Variants in ADGRL3 observed in about 807,000 individuals in gnomAD.
ADGRL3 encodes the protein adhesion G protein-coupled receptor L3.
A neutral mutation model predicts 153.5 loss-of-function variants in ADGRL3; 62 were observed. That is an observed-to-expected ratio of 0.40 (90% CI 0.33 to 0.50). The LOEUF (loss-of-function observed/expected upper bound fraction) is 0.50, where lower values mean the gene tolerates loss of function less well. ADGRL3 is among the 20% of genes least tolerant of loss of function. The pLI, the probability that ADGRL3 is intolerant of heterozygous loss-of-function variation, is 0.47. For synonymous variants in ADGRL3, 710 were observed against 672.5 expected (o/e 1.06, Z -0.86); for missense variants, 1,641 against 1,859.4 (o/e 0.88, Z 2.16).
intron 4 of ADGRL3, among the ~76,000 whole-genome samples, chr4:61,522,729 A>G (rs1239725688): frequency 6.6e-6 from 1 of 152,152 alleles, no homozygotes; most frequent in African/African-American, 2.4e-5. Context: ...CCTGTAAGCC[A>G]GAAGGCCTAC....
intron 25 of ADGRL3, 45 bp downstream of exon 25, chr4:62,044,594 T>C (rs1460507790): frequency 7.8e-7 from 1 of 1,284,884 alleles, no homozygotes; most frequent in Non-Finnish European, 1.1e-6. Flanking sequence ...TCTGATTACT[T>C]TAAGAAGTCC....
chr4:61,467,403 A>G (rs1245702866), intron 2 of ADGRL3, among the ~76,000 whole-genome samples: 2 of 152,074 alleles, frequency 1.3e-5, no homozygotes, highest in Admixed American at 6.6e-5. Flanking sequence ...AGGGTCTGAT[A>G]CTCTAGAAAT....
intron 1 of ADGRL3, among the ~76,000 whole-genome samples, chr4:61,236,008 C>CTTTTTTTTTCTT (rs1752658304): frequency 1.0e-5 from 1 of 95,852 alleles, no homozygotes; most frequent in African/African-American, 4.1e-5. Flanking sequence ...CTTTTCTTTT[C>CTTTTTTTTTCTT]TTTTTTTTTT....
intron 1 of ADGRL3, among the ~76,000 whole-genome samples, chr4:61,226,307 G>A (rs1747946503): frequency 6.6e-6 from 1 of 152,044 alleles, no homozygotes; most frequent in South Asian, 2.1e-4. Context: ...AAAACACTGT[G>A]GGTTTATTTT....
chr4:61,490,085 GCTGC>G (rs2098241527), intron 2 of ADGRL3, among the ~76,000 whole-genome samples: 1 of 151,962 alleles, frequency 6.6e-6, no homozygotes. Flanking sequence ...TCTGCAACAC[GCTGC>G]CTTTTTCCAC....
intron 2 of ADGRL3, among the ~76,000 whole-genome samples, chr4:61,458,364 TA>T (rs556292212): frequency 1.6e-3 from 242 of 151,472 alleles, no homozygotes; most frequent in African/African-American, 2.0e-3. Context: ...GAGAGATTTA[TA>T]AAAAACAATA....
At position 61,947,046 on chromosome 4, in the gene ADGRL3, C is replaced by T. The variant is rs201709145; in HGVS notation, c.2552C>T (p.Thr851Met). 3,512 of 1,613,704 alleles carry T rather than the reference C, an allele frequency of 2.2e-3. 4 individuals carry two copies. The highest frequency in any genetic ancestry group is 2.6e-3 in the Non-Finnish European group (3,082 of 1,179,730). Reference sequence around the variant, plus strand: ...GTTATTGTCAATTCCCCTGTTATTACGGCAGCAATAAACAAAGAGTTCAGT... The same window carrying T: ...GTTATTGTCAATTCCCCTGTTATTATGGCAGCAATAAACAAAGAGTTCAGT... ...HSVIVNSPVI[T>M]AAINKEFSNK... Residue 851 changes from threonine (T) to methionine (M), a missense_variant, in exon 16 of 27, where the codon ACG becomes ATG. Thr to Met is a moderately conservative substitution (Grantham distance 81). This residue lies in a region of ADGRL3 where 734 missense variants were observed against 797.0 expected (regional missense o/e 0.92). Coordinates refer to ENST00000683033, the MANE Select transcript of ADGRL3 (RefSeq NM_001387552.1).
chr4:61,370,880 T>A (rs544283628), intron 1 of ADGRL3, among the ~76,000 whole-genome samples: 53 of 151,992 alleles, frequency 3.5e-4, no homozygotes, highest in African/African-American at 1.3e-3. Context: ...TCTTTGTAGG[T>A]CACTCAGGAC....
chr4:61,964,443 G>A (rs147073314), intron 17 of ADGRL3, among the ~76,000 whole-genome samples: 1 of 152,054 alleles, frequency 6.6e-6, no homozygotes, highest in Non-Finnish European at 1.5e-5. Context: ...ATCTAATCAG[G>A]TAAACTTTTC....
intron 1 of ADGRL3, among the ~76,000 whole-genome samples, chr4:61,313,839 G>C (rs543679510): frequency 6.6e-6 from 1 of 152,278 alleles, no homozygotes; most frequent in East Asian, 1.9e-4. Flanking sequence ...TAACAGGTCA[G>C]AGCACAGACG....
At chr4:62,021,158 C>G (rs1444752856) in intron 21 of ADGRL3, among the ~76,000 whole-genome samples, 1 of 151,900 alleles carries the variant, frequency 6.6e-6, no homozygotes, top group Non-Finnish European at 1.5e-5. Flanking sequence ...GGTCAATACA[C>G]AACAGCAATT....
At position 61,924,526 on chromosome 4, in the gene ADGRL3, C is replaced by T. The variant is rs553577888; in HGVS notation, c.2113-10314C>T. 2.0e-5 allele frequency among the ~76,000 whole-genome samples: 3 copies of T among 152,314 alleles called. No individual in the cohort carries two copies. The South Asian group carries it at 6.2e-4, about 32-fold the overall frequency. On this transcript the variant is annotated intron_variant, in intron 13 of 26. Coordinates refer to ENST00000683033, the MANE Select transcript of ADGRL3 (RefSeq NM_001387552.1). ...TTGTTTAATAAACACCTCAAACTTT[C>T]CATATCTGTAACTGAATTCCCAGTC...
rs556287899 is a variant in ADGRL3, at chr4:61,999,267, C to T, written c.3395+1002C>T. On this transcript the variant is annotated intron_variant, in intron 21 of 26. Coordinates refer to ENST00000683033, the MANE Select transcript of ADGRL3 (RefSeq NM_001387552.1). ...CTTTAACCCAAGTTCCACTTTTGTA[C>T]GTTCAGAAAGTTCTGCCATGCAGAA... 2.6e-5 allele frequency among the ~76,000 whole-genome samples: 4 copies of T among 152,212 alleles called. No individual in the cohort carries two copies. In the South Asian group the frequency reaches 6.2e-4, roughly 24 times the overall value.
intron 17 of ADGRL3, among the ~76,000 whole-genome samples, chr4:61,967,488 G>A (rs372113156): frequency 2.0e-5 from 3 of 152,120 alleles, no homozygotes; most frequent in South Asian, 2.1e-4. Flanking sequence ...ATAACATAAA[G>A]CCAAATATCC....
chr4:61,849,783 G>GA (rs2098179904), intron 9 of ADGRL3, among the ~76,000 whole-genome samples: 1 of 152,086 alleles, frequency 6.6e-6, no homozygotes, highest in South Asian at 2.1e-4. Context: ...CAAACAAAGA[G>GA]AAAATGCAAT....
At chr4:61,903,082 T>C (rs1397719547) in intron 11 of ADGRL3, among the ~76,000 whole-genome samples, 1 of 152,204 alleles carries the variant, frequency 6.6e-6, no homozygotes, top group African/African-American at 2.4e-5. Flanking sequence ...CACATGGATA[T>C]GCAGGTAGCA....
chr4:61,524,040 A>G (rs1473330393), intron 4 of ADGRL3, among the ~76,000 whole-genome samples: 1 of 152,090 alleles, frequency 6.6e-6, no homozygotes, highest in Non-Finnish European at 1.5e-5. Flanking sequence ...TCAAAGTATT[A>G]TATGTGTGTT....
At chr4:61,274,823 A>G (rs1311417194) in intron 1 of ADGRL3, among the ~76,000 whole-genome samples, 1 of 152,094 alleles carries the variant, frequency 6.6e-6, no homozygotes, top group Non-Finnish European at 1.5e-5. Flanking sequence ...TGTCATTGCA[A>G]CGTGGGAGAC....
At chr4:62,028,005 T>C (rs1440321614) in intron 21 of ADGRL3, among the ~76,000 whole-genome samples, 4 of 151,850 alleles carry the variant, frequency 2.6e-5, no homozygotes, top group East Asian at 1.9e-4. Context: ...TTATTCAAAA[T>C]ACATCACAGT....
Sources: allele counts gnomAD v4.1 joint callset (sites outside exome capture counted in the v4.1 genomes callset), GRCh38; gene constraint gnomAD v4.1.1; regional missense constraint gnomAD v4.1.1; transcripts MANE v1.5; gene names NCBI Gene and HGNC (gene_info 2026-07-23, HGNC 2026-07-21).